The following THADA variants were observed in gnomAD, a reference collection of about 807,000 sequenced individuals.
The protein encoded by THADA is tRNA (32-2'-O)-methyltransferase regulator THADA.
Under a neutral mutation model 219.8 loss-of-function variants are expected in THADA, and 213 were observed. That is an observed-to-expected ratio of 0.97 (90% CI 0.87 to 1.09). THADA has a LOEUF of 1.09. Among genes scored for constraint, THADA ranks in the 50% least tolerant of loss-of-function variants. The pLI is 0.00. For synonymous variants in THADA, 1,018 were observed against 828.9 expected (o/e 1.23, Z -3.92); for missense variants, 2,956 against 2,311.3 (o/e 1.28, Z -5.72).
chr2:43,333,140 G>A (rs1409137030), intron 30 of THADA: 1 of 152,172 alleles, frequency 6.6e-6, no homozygotes, highest in Non-Finnish European at 1.5e-5. Context: ...ATTTAATGAA[G>A]AAAATGTTTT....
intron 28 of THADA, among the ~76,000 whole-genome samples, chr2:43,401,843 G>A (rs1227160724): frequency 5.9e-5 from 9 of 151,966 alleles, no homozygotes; most frequent in Non-Finnish European, 5.9e-5. Context: ...CTCACACCTG[G>A]AAATCAAGGG....
chr2:43,468,993 C>T (rs944501895), intron 26 of THADA, among the ~76,000 whole-genome samples: 23 of 152,138 alleles, frequency 1.5e-4, no homozygotes, highest in Non-Finnish European at 2.4e-4. Flanking sequence ...AACATCATTG[C>T]CTACCTACTA....
chr2:43,291,815 C>T (rs1420641441), intron 33 of THADA, 47 bp from the exon 34 acceptor site: 5 of 1,481,516 alleles, frequency 3.4e-6, no homozygotes, highest in Non-Finnish European at 4.6e-6. Flanking sequence ...TACAATCAGA[C>T]ATATTTCATA....
chr2:43,317,037 A>C (rs1393172680), intron 31 of THADA, among the ~76,000 whole-genome samples: 1 of 152,240 alleles, frequency 6.6e-6, no homozygotes, highest in Admixed American at 6.5e-5. Flanking sequence ...CCACTCTAAG[A>C]TATAGATCTT....
At chr2:43,590,665 A>C (rs1454067623) in intron 4 of THADA, among the ~76,000 whole-genome samples, 159 bp downstream of exon 4, 1 of 151,998 alleles carries the variant, frequency 6.6e-6, no homozygotes, top group East Asian at 1.9e-4. Context: ...AAAAAAAAAA[A>C]ATAGTTGTAA....
chr2:43,271,808 T>C (rs2104271204), intron 36 of THADA, among the ~76,000 whole-genome samples: 1 of 151,926 alleles, frequency 6.6e-6, no homozygotes, highest in East Asian at 1.9e-4. Flanking sequence ...AGAGAAGGGG[T>C]TTCACCATGT....
At chr2:43,397,126 G>A (rs1222872918) in intron 29 of THADA, among the ~76,000 whole-genome samples, 1 of 151,708 alleles carries the variant, frequency 6.6e-6, no homozygotes, top group Non-Finnish European at 1.5e-5. Context: ...CAGGCAGTCT[G>A]GCTCCAGAGT....
intron 29 of THADA, among the ~76,000 whole-genome samples, chr2:43,365,913 G>A (rs1352003543): frequency 1.3e-5 from 2 of 152,180 alleles, no homozygotes; most frequent in Non-Finnish European, 2.9e-5. Context: ...GTGCAAGGGA[G>A]ATAATCTCAA....
intron 1 of THADA, 165 bp downstream of exon 1, chr2:43,595,766 G>C (rs1277824542): frequency 6.6e-6 from 1 of 152,372 alleles, no homozygotes; most frequent in Non-Finnish European, 1.5e-5. Flanking sequence ...AGTGGTTAAA[G>C]TGCTGTCTCC....
chr2:43,579,383 C>A (rs1327346614), intron 8 of THADA, among the ~76,000 whole-genome samples: 1 of 152,216 alleles, frequency 6.6e-6, no homozygotes, highest in Non-Finnish European at 1.5e-5. Context: ...CTAGCACTGA[C>A]ACTGTACCCA....
chr2:43,556,079 G>A (rs1697303082), intron 17 of THADA: 1 of 747,986 alleles, frequency 1.3e-6, no homozygotes, highest in Non-Finnish European at 1.7e-6. Flanking sequence ...CACTTTTGGT[G>A]GAGAAAGAGG....
intron 26 of THADA, chr2:43,430,733 CTT>C (rs1318239318): frequency 6.7e-6 from 3 of 446,434 alleles, no homozygotes; most frequent in African/African-American, 2.0e-5. Context: ...CCAAATAACT[CTT>C]TGTTTCAGGG....
At chr2:43,260,992 T>C (rs1292945749) in intron 36 of THADA, among the ~76,000 whole-genome samples, 1 of 151,144 alleles carries the variant, frequency 6.6e-6, no homozygotes, top group Non-Finnish European at 1.5e-5. Flanking sequence ...TAATAACTTT[T>C]ATCTAATATT....
intron 30 of THADA, among the ~76,000 whole-genome samples, chr2:43,341,463 G>A (rs977558253): frequency 4.6e-5 from 7 of 152,152 alleles, no homozygotes; most frequent in Non-Finnish European, 7.3e-5. Flanking sequence ...AGCTGCAGAG[G>A]AAGCTGATGG....
intron 31 of THADA, among the ~76,000 whole-genome samples, chr2:43,305,574 A>C (rs896371413): frequency 3.9e-5 from 6 of 152,172 alleles, no homozygotes; most frequent in Admixed American, 2.6e-4. Context: ...AGGATTCCCG[A>C]TCGGCTGCTG....
chr2:43,399,529 G>T (rs57381820), intron 28 of THADA, among the ~76,000 whole-genome samples: 12,888 of 152,254 alleles, frequency 0.085, 597 homozygotes, highest in Non-Finnish European at 0.1. Context: ...TGGTGTTGGG[G>T]GAGGCAGGGG....
chr2:43,498,131 A>T (rs1214745987), intron 25 of THADA, among the ~76,000 whole-genome samples: 1 of 152,200 alleles, frequency 6.6e-6, no homozygotes, highest in Non-Finnish European at 1.5e-5. Flanking sequence ...AGCCAATAAC[A>T]TAAGGACAAA....
intron 29 of THADA, among the ~76,000 whole-genome samples, chr2:43,352,356 G>A (rs1005995622): frequency 3.9e-5 from 6 of 152,010 alleles, no homozygotes; most frequent in African/African-American, 9.7e-5. Context: ...TCAGGAGTTC[G>A]AGACCAGCCT....
intron 26 of THADA, among the ~76,000 whole-genome samples, chr2:43,457,528 A>G (rs1414102558): frequency 6.6e-6 from 1 of 152,202 alleles, no homozygotes; most frequent in African/African-American, 2.4e-5. Flanking sequence ...TAGAAAAATG[A>G]CTGATACAAA....
Sources: gnomAD v4.1 joint callset for allele counts (sites outside exome capture counted in the v4.1 genomes callset) on GRCh38, gnomAD v4.1.1 for gene constraint, MANE v1.5 for transcripts, NCBI Gene and HGNC (gene_info 2026-07-23, HGNC 2026-07-21) for gene names.